GRM1: variants seen among roughly 807,000 people sequenced by gnomAD.
GRM1 encodes the protein glutamate metabotropic receptor 1, also known as metabotropic glutamate receptor 1.
In GRM1, 33 loss-of-function variants were observed where a neutral mutation model predicts 90.9. That is an observed-to-expected ratio of 0.36 (90% confidence interval 0.28 to 0.49). The LOEUF is 0.49. Ranked by LOEUF, GRM1 falls within the 20% of genes least tolerant of loss-of-function variation. GRM1 has a pLI of 0.99. For missense variants in GRM1, 1,190 were observed against 1,534.3 expected (o/e 0.78, Z 3.75); for synonymous variants, 700 against 613.2 (o/e 1.14, Z -2.09).
At chr6:146,426,435 C>T (rs143961847) in intron 7 of GRM1, 23 of 801,390 alleles carry the variant, frequency 2.9e-5, no homozygotes, top group Middle Eastern at 3.1e-4. Flanking sequence ...ATAGAGCAAA[C>T]GGAGGTGGAG....
intron 3 of GRM1, among the ~76,000 whole-genome samples, chr6:146,349,927 A>G (rs1046501331): frequency 6.6e-6 from 1 of 152,220 alleles, no homozygotes; most frequent in Non-Finnish European, 1.5e-5. Flanking sequence ...ACCTCAGAAG[A>G]TAAGACACAG....
chr6:146,425,655 T>G (rs2114672977), intron 7 of GRM1, among the ~76,000 whole-genome samples: 1 of 152,310 alleles, frequency 6.6e-6, no homozygotes, highest in African/African-American at 2.4e-5. Context: ...TTCTCCCCAG[T>G]TGAACCAGCT....
chr6:146,298,698 G>C (rs1221328066), intron 2 of GRM1, among the ~76,000 whole-genome samples: 1 of 152,154 alleles, frequency 6.6e-6, no homozygotes, highest in African/African-American at 2.4e-5. Flanking sequence ...TAGAAATAGG[G>C]TCTACTGAGT....
At chr6:146,103,793 G>C (rs887603822) in intron 1 of GRM1, among the ~76,000 whole-genome samples, 1 of 152,182 alleles carries the variant, frequency 6.6e-6, no homozygotes, top group African/African-American at 2.4e-5. Flanking sequence ...GATGATTAAG[G>C]CAAGATTCCT....
intron 1 of GRM1, among the ~76,000 whole-genome samples, chr6:146,151,843 A>G (rs1777349044): frequency 1.3e-5 from 2 of 152,160 alleles, no homozygotes; most frequent in South Asian, 2.1e-4. Flanking sequence ...TATTCAAATA[A>G]TAGGATTTCT....
At chr6:146,354,662 A>AT (rs1171491996) in intron 4 of GRM1, among the ~76,000 whole-genome samples, 7 of 152,168 alleles carry the variant, frequency 4.6e-5, no homozygotes, top group African/African-American at 1.7e-4. Context: ...TCCTCCTGTC[A>AT]TACCATCGTT....
At chr6:146,255,869 A>C (rs1156935737) in intron 2 of GRM1, among the ~76,000 whole-genome samples, 2 of 152,034 alleles carry the variant, frequency 1.3e-5, no homozygotes, top group East Asian at 3.9e-4. Flanking sequence ...TGTGTCTCTA[A>C]TCAAGCATTC....
At chr6:146,055,011 G>A (rs186892486) in intron 1 of GRM1, among the ~76,000 whole-genome samples, 4 of 152,038 alleles carry the variant, frequency 2.6e-5, no homozygotes, top group African/African-American at 7.2e-5. Flanking sequence ...TAGGAATGGG[G>A]CGATTTGCCT....
chr6:146,390,826 T>A (rs74656589), intron 6 of GRM1, among the ~76,000 whole-genome samples: 8 of 152,072 alleles, frequency 5.3e-5, no homozygotes, highest in African/African-American at 1.9e-4. Context: ...AACAGCCAAC[T>A]ATAAGTCCTA....
intron 2 of GRM1, among the ~76,000 whole-genome samples, chr6:146,243,662 G>A (rs1230078092): frequency 1.3e-5 from 2 of 152,070 alleles, no homozygotes; most frequent in Admixed American, 6.6e-5. Context: ...CAGGACTGGG[G>A]TGAAATTAAA....
intron 5 of GRM1, among the ~76,000 whole-genome samples, chr6:146,376,505 T>C (rs1263189590): frequency 1.3e-5 from 2 of 152,140 alleles, no homozygotes; most frequent in Non-Finnish European, 2.9e-5. Flanking sequence ...TCTTTATTTC[T>C]CCTTTATGTG....
At chr6:146,179,175 G>A (rs1778448659) in intron 2 of GRM1, among the ~76,000 whole-genome samples, 1 of 152,162 alleles carries the variant, frequency 6.6e-6, no homozygotes, top group African/African-American at 2.4e-5. Context: ...ACTCTCACGT[G>A]CACATGTGTT....
intron 1 of GRM1, among the ~76,000 whole-genome samples, chr6:146,153,042 G>T (rs537368055): frequency 6.6e-6 from 1 of 152,136 alleles, no homozygotes; most frequent in East Asian, 1.9e-4. Flanking sequence ...TCGTGGCTGG[G>T]TGTACTATCT....
intron 7 of GRM1, among the ~76,000 whole-genome samples, chr6:146,415,732 T>C (rs1777758479): frequency 6.6e-6 from 1 of 152,234 alleles, no homozygotes; most frequent in Non-Finnish European, 1.5e-5. Context: ...TTATGTTTGA[T>C]GCTATCTCTA....
intron 1 of GRM1, among the ~76,000 whole-genome samples, chr6:146,089,088 G>C (rs1476316165): frequency 6.6e-6 from 1 of 152,036 alleles, no homozygotes; most frequent in Non-Finnish European, 1.5e-5. Flanking sequence ...GGTCACTTCT[G>C]TTATTGTTCA....
intron 2 of GRM1, among the ~76,000 whole-genome samples, chr6:146,244,027 C>T (rs1200065521): frequency 6.6e-6 from 1 of 152,096 alleles, no homozygotes; most frequent in East Asian, 1.9e-4. Context: ...GGCAGCCAGA[C>T]CTAATGGTTA....
At chr6:146,384,195 G>T (rs181001079) in intron 5 of GRM1, among the ~76,000 whole-genome samples, 168 of 152,230 alleles carry the variant, frequency 1.1e-3, no homozygotes, top group African/African-American at 3.7e-3. Flanking sequence ...AGGAGCCACA[G>T]AAATTAGCAT....
intron 3 of GRM1, among the ~76,000 whole-genome samples, chr6:146,314,051 C>CTTTTTTTTTTTTTTTTTTTT (rs552986343): frequency 1.6e-5 from 1 of 61,960 alleles, no homozygotes; most frequent in Non-Finnish European, 2.6e-5. Flanking sequence ...TAGTTAATTC[C>CTTTTTTTTTTTTTTTTTTTT]TTTTTTTTTT....
chr6:146,285,820 G>A (rs1191780500), intron 2 of GRM1, among the ~76,000 whole-genome samples: 1 of 152,088 alleles, frequency 6.6e-6, no homozygotes, highest in African/African-American at 2.4e-5. Context: ...TCGCTCCTCT[G>A]CTAGAATTTG....
Sources: allele counts gnomAD v4.1 joint callset (sites outside exome capture counted in the v4.1 genomes callset), GRCh38; gene constraint gnomAD v4.1.1; transcripts MANE v1.5; gene names NCBI Gene and HGNC (gene_info 2026-07-23, HGNC 2026-07-21).